Variants in TAB1 observed in about 807,000 individuals in gnomAD.
TAB1 encodes the protein TGF-beta-activated kinase 1 and MAP3K7-binding protein 1.
TAB1 carries 30 observed loss-of-function variants against 54.5 expected under a neutral mutation model. The observed-to-expected ratio is 0.55, with a 90% confidence interval of 0.41 to 0.75. The LOEUF (loss-of-function observed/expected upper bound fraction) is 0.75, where lower values mean the gene tolerates loss of function less well. TAB1 is among the 30% of genes least tolerant of loss of function. The pLI is 0.00. For synonymous variants in TAB1, 289 were observed against 286.9 expected, an observed-to-expected ratio of 1.01 and a Z score of -0.07; for missense variants, 609 against 683.2, an observed-to-expected ratio of 0.89 and a Z score of 1.21.
At chr22:39,424,131 A>G (rs532883490) in intron 8 of TAB1, among the ~76,000 whole-genome samples, 2 of 152,350 alleles carry the variant, frequency 1.3e-5, no homozygotes, top group South Asian at 4.1e-4. Flanking sequence ...GTTACTTAGA[A>G]TAATGGCCTT....
chr22:39,405,056 C>CT (rs1336356949), intron 1 of TAB1, among the ~76,000 whole-genome samples: 1 of 151,834 alleles, frequency 6.6e-6, no homozygotes, highest in Non-Finnish European at 1.5e-5. Flanking sequence ...AATGTGGGTG[C>CT]TTTTACCACA....
intron 8 of TAB1, among the ~76,000 whole-genome samples, chr22:39,425,577 T>G (rs1303867942): frequency 6.6e-6 from 1 of 151,414 alleles, no homozygotes; most frequent in Non-Finnish European, 1.5e-5. Flanking sequence ...TTTTTTGAGA[T>G]GGAGTCTCGC....
At chr22:39,436,654 G>C, downstream of TAB1, 1 of 1,134,240 alleles carries the variant, frequency 8.8e-7, no homozygotes, top group Non-Finnish European at 1.3e-6. Context: ...TGTGCACTGG[G>C]ATCTTCTCGT....
Position 39,430,654 on chromosome 22 carries a change from AGTAGCC to A in TAB1, c.*433_*438del. ...ACCATCACCTCCCTCACCTCGGGAC[AGTAGCC>A]CTCCACTTCTCCAGCCTCTCAGCCC... On this transcript the variant is annotated 3_prime_UTR_variant, in exon 11 of 11. Coordinates refer to ENST00000216160, the MANE Select transcript of TAB1 (RefSeq NM_006116.3). The A allele has an allele frequency of 1.2e-5, 13 of 1,073,646 alleles. No homozygotes were observed. The highest frequency in any genetic ancestry group is 1.4e-4 in the East Asian group (2 of 14,718). The allele number at this position is 1,073,646 out of a possible 1,614,324, so 66.5% of individuals were successfully genotyped here. A position where few individuals can be genotyped will look rare whatever the true frequency, so the allele number is the denominator to read the frequency against.
At chr22:39,433,969 G>T, downstream of TAB1, 4 of 266,438 alleles carry the variant, frequency 1.5e-5, no homozygotes, top group Non-Finnish European at 2.3e-5. Flanking sequence ...CCTGCTCCAC[G>T]GGAGCAAGGG....
At chr22:39,420,335 A>G (rs1035114842) in intron 7 of TAB1, among the ~76,000 whole-genome samples, 1 of 152,228 alleles carries the variant, frequency 6.6e-6, no homozygotes, top group Non-Finnish European at 1.5e-5. Flanking sequence ...ATGGGGCTTG[A>G]ACACAGGCAG....
At position 39,431,400 on chromosome 22, in the gene TAB1, C is replaced by T; in HGVS notation, c.*1178C>T. 10 of 985,528 alleles carry T rather than the reference C, an allele frequency of 1.0e-5. No homozygotes were observed. Among genetic ancestry groups the T allele is most frequent in the Non-Finnish European group, 1.2e-5 (10 of 829,998 alleles). The allele number at this position is 985,528 out of a possible 1,614,324, so 61.0% of individuals were successfully genotyped here. On this transcript the variant is annotated 3_prime_UTR_variant, in exon 11 of 11. Coordinates refer to ENST00000216160, the MANE Select transcript of TAB1 (RefSeq NM_006116.3). Reference sequence around the variant, plus strand: ...CACACAATCAGTGGGGCAGCCAGAGCTCAGACCTGAGCCATTTTGTCAGTA... The same window carrying T: ...CACACAATCAGTGGGGCAGCCAGAGTTCAGACCTGAGCCATTTTGTCAGTA...
chr22:39,415,243 G>T lies in TAB1; in HGVS notation c.170+101G>T. The stretch of plus-strand genomic sequence containing the variant: ...AGCTTTCTCGTATGGGCTTGCCAGT[G>T]ACATGTGGCCCGTGAGAGGTGGCCT... On this transcript the variant is annotated intron_variant, in intron 2 of 10. Coordinates refer to ENST00000216160, the MANE Select transcript of TAB1 (RefSeq NM_006116.3). This position sits in a 1 kb window ranked among gnomAD's most constrained non-coding sequence, Gnocchi z 4.9. 1 of 1,423,240 alleles carries T rather than the reference G, an allele frequency of 7.0e-7. No individual in the cohort carries two copies. The allele number at this position is 1,423,240 out of a possible 1,614,324, so 88.2% of individuals were successfully genotyped here.
At chr22:39,413,209 C>T (rs1044913414) in intron 1 of TAB1, among the ~76,000 whole-genome samples, 1 of 151,830 alleles carries the variant, frequency 6.6e-6, no homozygotes, top group African/African-American at 2.4e-5. Flanking sequence ...CCACCGCGCC[C>T]GGCCCATATC....
intron 1 of TAB1, among the ~76,000 whole-genome samples, 162 bp downstream of exon 1, chr22:39,399,997 A>T (rs1926060619): frequency 6.6e-6 from 1 of 152,064 alleles, no homozygotes; most frequent in Admixed American, 6.6e-5. Flanking sequence ...CTCGTTCCCG[A>T]GGCCAGGGCG....
chr22:39,435,976 CT>C (rs1240886726), downstream of TAB1, among the ~76,000 whole-genome samples: 6 of 152,246 alleles, frequency 3.9e-5, no homozygotes, highest in Non-Finnish European at 5.9e-5. Flanking sequence ...TACAGCTCAG[CT>C]TTTTAAAAAA....
At chr22:39,429,166 T>G (rs1927477840) in intron 10 of TAB1, 1 of 985,338 alleles carries the variant, frequency 1.0e-6, no homozygotes. Flanking sequence ...GGGCTGGCCC[T>G]GTGCTGGTGC....
In TAB1 at chr22:39,426,772, G is replaced by A. The variant is rs774964489; in HGVS notation, c.991G>A (p.Val331Met). 8 of 1,613,890 alleles carry A rather than the reference G, an allele frequency of 5.0e-6. No homozygotes were observed. The highest frequency in any genetic ancestry group is 1.7e-5 in the Admixed American group (1 of 60,010). ...CCTGGACGCAGTGGCCCAGGCCGTC[G>A]TGGACCGGGTGAAGCGCATCCACAG... ...TSLDAVAQAV[V>M]DRVKRIHSDT... is the part of the protein sequence containing the mutation. The change falls in exon 9 of 11, where the codon GTG becomes ATG. Residue 331 changes from valine (V) to methionine (M), a missense_variant. By Grantham distance (21) the Val-to-Met change is conservative. Transcript: ENST00000216160.
intron 1 of TAB1, among the ~76,000 whole-genome samples, chr22:39,406,436 A>G (rs1926368693): frequency 6.7e-6 from 1 of 150,042 alleles, no homozygotes; most frequent in Non-Finnish European, 1.5e-5. Flanking sequence ...TTTGAGTGAA[A>G]GATAGTTTCT....
At chr22:39,409,441 A>G (rs1330843890) in intron 1 of TAB1, among the ~76,000 whole-genome samples, 1 of 152,246 alleles carries the variant, frequency 6.6e-6, no homozygotes. Context: ...CCCATGGCCC[A>G]GAGGCCTTGC....
intron 7 of TAB1, among the ~76,000 whole-genome samples, chr22:39,420,700 T>TC (rs1480280168): frequency 1.3e-5 from 2 of 151,924 alleles, no homozygotes; most frequent in Non-Finnish European, 2.9e-5. Context: ...ACTCGCTGCC[T>TC]CCCCAGAGGC....
chr22:39,417,997 G>A (rs191904398), intron 5 of TAB1, 148 bp downstream of exon 5: 5 of 1,042,720 alleles, frequency 4.8e-6, no homozygotes, highest in East Asian at 3.0e-5. Context: ...CCTCTCCACA[G>A]TGACGCCTCA....
At chr22:39,435,995 T>C (rs887270976), downstream of TAB1, among the ~76,000 whole-genome samples, 1 of 152,084 alleles carries the variant, frequency 6.6e-6, no homozygotes, top group African/African-American at 2.4e-5. Flanking sequence ...AAAATAAAAA[T>C]AACTAGTAGG....
chr22:39,423,211 A>G (rs1927171537), intron 8 of TAB1, among the ~76,000 whole-genome samples: 1 of 151,908 alleles, frequency 6.6e-6, no homozygotes, highest in African/African-American at 2.4e-5. Flanking sequence ...GTTAATCTCA[A>G]ACTCCTGGTC....
Sources: gnomAD v4.1 joint callset for allele counts (sites outside exome capture counted in the v4.1 genomes callset) on GRCh38, gnomAD v4.1.1 for gene constraint, Gnocchi (gnomAD v3.1) non-coding constraint, MANE v1.5 for transcripts, NCBI Gene and HGNC (gene_info 2026-07-23, HGNC 2026-07-21) for gene names.